Variants in SUMF1 observed in about 807,000 individuals in gnomAD.
SUMF1 encodes the protein sulfatase modifying factor 1, also known as formylglycine-generating enzyme.
A neutral mutation model predicts 47.6 loss-of-function variants in SUMF1; 48 were observed. The ratio of observed to expected loss-of-function variants is 1.01; its 90% CI spans 0.80 to 1.28. The LOEUF is 1.28. SUMF1 is among the 50% of genes most tolerant of loss of function. SUMF1 has a pLI of 0.00. For synonymous variants in SUMF1, 230 were observed against 192.1 expected, an observed-to-expected ratio of 1.20 and a Z score of -1.63; for missense variants, 571 against 485.4, an observed-to-expected ratio of 1.18 and a Z score of -1.66.
intron 7 of SUMF1, among the ~76,000 whole-genome samples, chr3:4,402,757 T>A (rs1303730159): frequency 2.0e-5 from 3 of 152,158 alleles, no homozygotes; most frequent in Non-Finnish European, 2.9e-5. Flanking sequence ...CATGGAGAGT[T>A]GAGATAGGCA....
At chr3:4,376,517 C>A in intron 7 of SUMF1, 128 bp from the exon 8 acceptor site, 2 of 943,884 alleles carry the variant, frequency 2.1e-6, no homozygotes, top group Non-Finnish European at 3.4e-6. Flanking sequence ...GCATTTCCAC[C>A]CCTAGGCTTT....
chr3:4,129,347 T>C (rs1193787423), intron 8 of SUMF1, among the ~76,000 whole-genome samples: 2 of 152,140 alleles, frequency 1.3e-5, no homozygotes, highest in African/African-American at 4.8e-5. Flanking sequence ...ATCTGACTAA[T>C]GTAGAGTTCT....
At chr3:4,187,900 C>T (rs544543448) in intron 8 of SUMF1, among the ~76,000 whole-genome samples, 2 of 152,288 alleles carry the variant, frequency 1.3e-5, no homozygotes, top group East Asian at 1.9e-4. Flanking sequence ...TTAACATGCA[C>T]TTCATTGTGA....
intron 9 of SUMF1, among the ~76,000 whole-genome samples, chr3:4,049,502 G>A (rs1010306706): frequency 3.9e-5 from 6 of 152,126 alleles, no homozygotes; most frequent in African/African-American, 1.2e-4. Context: ...ACCCCTTGCT[G>A]AACGTGAGAC....
At chr3:4,418,856 G>T (rs1378015802) in intron 4 of SUMF1, among the ~76,000 whole-genome samples, 1 of 152,132 alleles carries the variant, frequency 6.6e-6, no homozygotes, top group African/African-American at 2.4e-5. Context: ...AAAAAACTGA[G>T]AAAAAGGGGA....
intron 8 of SUMF1, among the ~76,000 whole-genome samples, chr3:4,249,031 T>C (rs1271316983): frequency 3.9e-5 from 6 of 152,170 alleles, no homozygotes; most frequent in Non-Finnish European, 7.4e-5. Context: ...TCTCACTGAG[T>C]GGCCTTGCTG....
At chr3:4,259,177 T>C (rs1472829504) in intron 8 of SUMF1, among the ~76,000 whole-genome samples, 3 of 151,278 alleles carry the variant, frequency 2.0e-5, no homozygotes, top group Non-Finnish European at 1.5e-5. Context: ...GACGAGTTAG[T>C]GGGTGCAGCG....
intron 8 of SUMF1, chr3:4,303,568 T>A: frequency 7.5e-7 from 1 of 1,337,176 alleles, no homozygotes; most frequent in Non-Finnish European, 9.5e-7. Context: ...GGCGCGCGGC[T>A]CCCCCACGTG....
intron 8 of SUMF1, among the ~76,000 whole-genome samples, chr3:4,265,582 C>A (rs1402932919): frequency 2.6e-5 from 4 of 151,946 alleles, no homozygotes; most frequent in Non-Finnish European, 5.9e-5. Flanking sequence ...TAAAACCCCA[C>A]AATTTCTTGT....
At chr3:4,073,746 C>T (rs1357395265) in intron 8 of SUMF1, among the ~76,000 whole-genome samples, 1 of 152,108 alleles carries the variant, frequency 6.6e-6, no homozygotes, top group Non-Finnish European at 1.5e-5. Context: ...CTAAGAAGGC[C>T]ATTATATAAT....
intron 9 of SUMF1, among the ~76,000 whole-genome samples, chr3:4,044,472 C>T (rs1309096107): frequency 1.3e-5 from 2 of 152,096 alleles, no homozygotes; most frequent in African/African-American, 2.4e-5. Flanking sequence ...ATTTTTACTG[C>T]AGTAAAAGGG....
chr3:4,218,720 A>T (rs575022423), intron 8 of SUMF1, among the ~76,000 whole-genome samples: 31 of 152,330 alleles, frequency 2.0e-4, no homozygotes, highest in African/African-American at 7.2e-4. Flanking sequence ...TCTTGTAATT[A>T]CTACAGGCAA....
intron 8 of SUMF1, among the ~76,000 whole-genome samples, chr3:4,320,354 A>C (rs1698802563): frequency 1.3e-5 from 2 of 152,198 alleles, no homozygotes; most frequent in African/African-American, 4.8e-5. Context: ...GTTGTTTCCC[A>C]TGGGGGTTAT....
chr3:4,247,450 G>A (rs957833812), intron 8 of SUMF1, among the ~76,000 whole-genome samples: 5 of 152,110 alleles, frequency 3.3e-5, no homozygotes, highest in Non-Finnish European at 4.4e-5. Context: ...TTAGAATTCA[G>A]GATTTTGTAA....
At chr3:4,166,482 A>G (rs369811637) in intron 8 of SUMF1, among the ~76,000 whole-genome samples, 99 of 152,292 alleles carry the variant, frequency 6.5e-4, no homozygotes, top group African/African-American at 1.9e-3. Context: ...GGCAAAAATT[A>G]TATCTTTCTA....
At chr3:4,170,117 C>T (rs1574946886) in intron 8 of SUMF1, among the ~76,000 whole-genome samples, 1 of 152,142 alleles carries the variant, frequency 6.6e-6, no homozygotes, top group South Asian at 2.1e-4. Flanking sequence ...ACACAATATG[C>T]TCATTTATTT....
intron 8 of SUMF1, among the ~76,000 whole-genome samples, chr3:4,245,170 C>T (rs1052551054): frequency 6.6e-6 from 1 of 152,036 alleles, no homozygotes; most frequent in Non-Finnish European, 1.5e-5. Flanking sequence ...AGCTTCCTTG[C>T]TATGGGTTGG....
At chr3:4,062,438 A>G (rs1178577898) in intron 9 of SUMF1, among the ~76,000 whole-genome samples, 1 of 152,168 alleles carries the variant, frequency 6.6e-6, no homozygotes, top group Non-Finnish European at 1.5e-5. Context: ...GCTTATTGTT[A>G]TTATCAACTG....
intron 8 of SUMF1, among the ~76,000 whole-genome samples, chr3:4,086,631 T>G (rs768305177): frequency 1.3e-5 from 2 of 152,086 alleles, no homozygotes; most frequent in Non-Finnish European, 2.9e-5. Flanking sequence ...GTAAATGTCA[T>G]ACAGTTATAA....
Sources: allele counts gnomAD v4.1 joint callset (sites outside exome capture counted in the v4.1 genomes callset), GRCh38; gene constraint gnomAD v4.1.1; transcripts MANE v1.5; gene names NCBI Gene and HGNC (gene_info 2026-07-23, HGNC 2026-07-21).